Variants in LGSN observed in about 807,000 individuals in gnomAD.
LGSN encodes the protein lengsin, lens protein with glutamine synthetase domain.
Under a neutral mutation model 19.5 loss-of-function variants are expected in LGSN, and 21 were observed. The ratio of observed to expected loss-of-function variants is 1.07; its 90% confidence interval spans 0.76 to 1.55. The LOEUF (loss-of-function observed/expected upper bound fraction) is 1.55. Ranked by LOEUF, LGSN falls within the 40% of genes most tolerant of loss-of-function variation. The pLI is 0.00. For missense variants in LGSN, 673 were observed against 608.5 expected (o/e 1.11, Z -1.12); for synonymous variants, 257 against 215.6 (o/e 1.19, Z -1.68).
At chr6:63,329,380 A>G in the LGSN span, among the ~76,000 whole-genome samples, 11 of 152,198 alleles carry the variant, frequency 7.2e-5, no homozygotes, top group African/African-American at 2.4e-4. Context: ...AGAGCAGGGT[A>G]TAGGGGTTGG....
the LGSN span, chr6:63,572,257 C>T: frequency 8.4e-5 from 15 of 177,586 alleles, no homozygotes; most frequent in Non-Finnish European, 8.2e-5. Flanking sequence ...CGGAGCACTC[C>T]CGGCAGCCCC....
chr6:63,287,002 A>C (rs577975708), intron 2 of LGSN, among the ~76,000 whole-genome samples: 1 of 152,196 alleles, frequency 6.6e-6, no homozygotes, highest in Admixed American at 6.5e-5. Flanking sequence ...ACACCCATCA[A>C]TCTCTCACAT....
At chr6:63,513,803 C>T in the LGSN span, among the ~76,000 whole-genome samples, 3 of 149,386 alleles carry the variant, frequency 2.0e-5, no homozygotes, top group Admixed American at 6.7e-5. Context: ...CCCAGCTGCT[C>T]GCGGGGCTGA....
At chr6:63,326,794 G>A in the LGSN span, among the ~76,000 whole-genome samples, 19 of 152,164 alleles carry the variant, frequency 1.2e-4, no homozygotes, top group Admixed American at 5.2e-4. Flanking sequence ...CAGCTGGCCC[G>A]CAAGTGCCGT....
At chr6:63,497,087 T>C in the LGSN span, among the ~76,000 whole-genome samples, 2 of 152,154 alleles carry the variant, frequency 1.3e-5, no homozygotes, top group Non-Finnish European at 2.9e-5. Context: ...TCCTCCTGCC[T>C]CAGCCTCCCA....
rs899914125 is a variant in LGSN, at chr6:63,278,175, G to C, written c.*1846C>G. 1.3e-5 allele frequency: 2 copies of C among 151,814 alleles called. No individual in the cohort carries two copies. The highest frequency in any genetic ancestry group is 4.8e-5 in the African/African-American group (2 of 41,280). The allele number at this position is 151,814 out of a possible 1,614,324, so 9.4% of individuals were successfully genotyped here. On this transcript the variant is annotated 3_prime_UTR_variant, in exon 4 of 4. Transcript: ENST00000370657. ...CTCTTTGCACTGAACCTAATAACAT[G>C]ACCACATCCAACCTTAATGAAGGCT...
intron 3 of LGSN, among the ~76,000 whole-genome samples, chr6:63,281,556 A>G (rs181364332): frequency 2.6e-4 from 40 of 152,218 alleles, no homozygotes; most frequent in Non-Finnish European, 4.4e-4. Context: ...GAAAAGCCTT[A>G]TGGAATTATT....
chr6:63,415,252 C>T, the LGSN span, among the ~76,000 whole-genome samples: 1 of 152,154 alleles, frequency 6.6e-6, no homozygotes, highest in Non-Finnish European at 1.5e-5. Flanking sequence ...ACCCTTGAGG[C>T]GGAGTTTGCG....
intron 1 of LGSN, among the ~76,000 whole-genome samples, chr6:63,309,221 C>T (rs1184043201): frequency 6.6e-6 from 1 of 152,118 alleles, no homozygotes. Flanking sequence ...CACCTGAGGT[C>T]AGGAGTTTGA....
the LGSN span, among the ~76,000 whole-genome samples, chr6:63,402,241 T>G: frequency 6.6e-6 from 1 of 152,184 alleles, no homozygotes; most frequent in Admixed American, 6.5e-5. Context: ...TCCTGCACTC[T>G]TGTGTCTTTT....
the LGSN span, among the ~76,000 whole-genome samples, chr6:63,352,025 A>C: frequency 6.6e-6 from 1 of 152,242 alleles, no homozygotes; most frequent in African/African-American, 2.4e-5. Flanking sequence ...AGTAAGTAAC[A>C]AATAGACAAA....
At chr6:63,449,481 G>A in the LGSN span, among the ~76,000 whole-genome samples, 1 of 150,812 alleles carries the variant, frequency 6.6e-6, no homozygotes, top group Non-Finnish European at 1.5e-5. Context: ...GGAGGCAGAG[G>A]TTGCAGTGAG....
At chr6:63,496,342 T>A in the LGSN span, among the ~76,000 whole-genome samples, 1 of 152,242 alleles carries the variant, frequency 6.6e-6, no homozygotes, top group Non-Finnish European at 1.5e-5. Flanking sequence ...TATTTTCTAT[T>A]TTAAGAGTTT....
At chr6:63,334,891 C>A in the LGSN span, among the ~76,000 whole-genome samples, 1 of 152,084 alleles carries the variant, frequency 6.6e-6, no homozygotes, top group Admixed American at 6.5e-5. Context: ...GTAATCTCAG[C>A]ACTTTGGGAG....
chr6:63,331,306 C>G, the LGSN span, among the ~76,000 whole-genome samples: 1 of 152,122 alleles, frequency 6.6e-6, no homozygotes, highest in African/African-American at 2.4e-5. Context: ...TTTGCCTTCC[C>G]TCTTACAGAA....
In LGSN at chr6:63,314,596, C is replaced by T. The variant is rs148027095; in HGVS notation, c.30+5318G>A. Among the ~76,000 whole-genome samples, 447 of 152,156 alleles carry T rather than the reference C, an allele frequency of 2.9e-3. 3 individuals are homozygous for T. The highest frequency in any genetic ancestry group is 0.01 in the African/African-American group (423 of 41,528). On this transcript the variant is annotated intron_variant, in intron 1 of 3. Coordinates refer to ENST00000370657, the MANE Select transcript of LGSN (RefSeq NM_016571.3). Reference sequence around the variant, plus strand: ...AACTGAGCCTCAGGAAGATTTTCACCCAATAAATGGCAGAATTTCAATCTA... The same window carrying T: ...AACTGAGCCTCAGGAAGATTTTCACTCAATAAATGGCAGAATTTCAATCTA...
chr6:63,331,973 G>A, the LGSN span, among the ~76,000 whole-genome samples: 1 of 152,126 alleles, frequency 6.6e-6, no homozygotes, highest in Non-Finnish European at 1.5e-5. Flanking sequence ...TGAAGTGGAG[G>A]GCCATACCCT....
chr6:63,367,947 G>A, the LGSN span, among the ~76,000 whole-genome samples: 209 of 151,866 alleles, frequency 1.4e-3, no homozygotes, highest in Admixed American at 3.9e-3. Context: ...GTCGTGGGGT[G>A]GGGGAAGGGG....
chr6:63,518,790 GA>G, the LGSN span, among the ~76,000 whole-genome samples: 2 of 152,142 alleles, frequency 1.3e-5, no homozygotes, highest in African/African-American at 2.4e-5. Context: ...GGAAGTTGCT[GA>G]AAAGATAGAA....
Sources: gnomAD v4.1 joint callset for allele counts (sites outside exome capture counted in the v4.1 genomes callset) on GRCh38, gnomAD v4.1.1 for gene constraint, MANE v1.5 for transcripts, NCBI Gene and HGNC (gene_info 2026-07-23, HGNC 2026-07-21) for gene names.